WDTC1: variants seen among roughly 807,000 people sequenced by gnomAD.
WDTC1 encodes the protein WD and tetratricopeptide repeats 1, also known as WD and tetratricopeptide repeats protein 1.
WDTC1 carries 12 observed loss-of-function variants against 76.0 expected under a neutral mutation model. The ratio of observed to expected loss-of-function variants is 0.16; its 90% CI spans 0.10 to 0.26. The LOEUF is 0.26. WDTC1 is among the 10% of genes least tolerant of loss of function. WDTC1 has a pLI of 1.00. For synonymous variants in WDTC1, 326 were observed against 350.8 expected, an observed-to-expected ratio of 0.93 and a Z score of 0.79; for missense variants, 511 against 908.8, an observed-to-expected ratio of 0.56 and a Z score of 5.63.
rs1314413728 is a variant in WDTC1 at position 27,242,089 on chromosome 1, A to G, written c.-100+7138A>G. Among the ~76,000 whole-genome samples, 4 of 151,982 alleles carry G rather than the reference A, an allele frequency of 2.6e-5. No individual in the cohort carries two copies. In the East Asian group the frequency reaches 5.8e-4, roughly 22 times the overall value. ...GTATTTTTAGTAGAGACGGGGTTTT[A>G]CCATGTTGGCCAGGCTGGTCTCCAA... is the stretch of plus-strand genomic sequence containing the variant. On this transcript the variant is annotated intron_variant, in intron 1 of 15. Transcript: ENST00000319394.
rs1242043331 is a variant in WDTC1 at position 27,274,175 on chromosome 1, C to T, written c.133-8064C>T. On this transcript the variant is annotated intron_variant, in intron 3 of 15. Coordinates refer to ENST00000319394, the MANE Select transcript of WDTC1 (RefSeq NM_001276252.2). This position sits in a 1 kb window ranked among gnomAD's most constrained non-coding sequence, Gnocchi z 4.2. Reference sequence around the variant, plus strand: ...GTGTGGTGGTGTGTGCTTGTACTCCCAGCTACTAGGGAGTCTAACATGGGA... The same window carrying T: ...GTGTGGTGGTGTGTGCTTGTACTCCTAGCTACTAGGGAGTCTAACATGGGA... 2.0e-5 allele frequency among the ~76,000 whole-genome samples: 3 copies of T among 151,728 alleles called. No homozygotes were observed.
At chr1:27,248,636 T>TA (rs1240140940) in intron 1 of WDTC1, among the ~76,000 whole-genome samples, 3 of 152,204 alleles carry the variant, frequency 2.0e-5, no homozygotes, top group Non-Finnish European at 4.4e-5. Context: ...AGTTTCATCT[T>TA]ATGTGAATTT....
Position 27,234,710 on chromosome 1 carries a change from C to A in WDTC1, c.-341C>A, listed in dbSNP as rs2011450350. On this transcript the variant is annotated 5_prime_UTR_variant, in exon 1 of 16. Coordinates refer to ENST00000319394, the MANE Select transcript of WDTC1 (RefSeq NM_001276252.2). Reference sequence around the variant, plus strand: ...GGAGGGGAGTGCGTGTGTGAGAGCGCGCGAGGGAGTGTGAGTGTGTGTGAG... The same window carrying A: ...GGAGGGGAGTGCGTGTGTGAGAGCGAGCGAGGGAGTGTGAGTGTGTGTGAG... The A allele has an allele frequency of 2.5e-6, 1 of 398,032 alleles. No homozygotes were observed. The highest frequency in any genetic ancestry group is 4.4e-6 in the Non-Finnish European group (1 of 225,666). The allele number at this position is 398,032 out of a possible 1,614,324, so 24.7% of individuals were successfully genotyped here. A position where few individuals can be genotyped will look rare whatever the true frequency, so the allele number is the denominator to read the frequency against.
chr1:27,298,262 TC>T, intron 12 of WDTC1, 151 bp downstream of exon 12: 1 of 926,996 alleles, frequency 1.1e-6, no homozygotes, highest in Non-Finnish European at 1.5e-6. Context: ...TGGCCTCTCC[TC>T]CCCACCTCCA....
intron 1 of WDTC1, among the ~76,000 whole-genome samples, chr1:27,244,924 T>C (rs1425380007): frequency 1.3e-5 from 2 of 152,172 alleles, no homozygotes; most frequent in Non-Finnish European, 2.9e-5. Context: ...CAGTAGTGTC[T>C]ACTTAAAATC....
In WDTC1 at chr1:27,234,887, C is replaced by A. The variant is rs1028574103; in HGVS notation, c.-164C>A. 2 of 395,690 alleles carry A rather than the reference C, an allele frequency of 5.1e-6. No homozygotes were observed. The highest frequency in any genetic ancestry group is 2.1e-5 in the African/African-American group (1 of 48,418). The allele number at this position is 395,690 out of a possible 1,614,324, so 24.5% of individuals were successfully genotyped here. A position where few individuals can be genotyped will look rare whatever the true frequency, so the allele number is the denominator to read the frequency against. ...CCCCCCTTCCCGGGAGAGGGGCCGC[C>A]CCCCCCGGACGGACATGGGCTCCTG... is the stretch of plus-strand genomic sequence containing the variant. On this transcript the variant is annotated 5_prime_UTR_variant, in exon 1 of 16. Coordinates refer to ENST00000319394, the MANE Select transcript of WDTC1 (RefSeq NM_001276252.2).
chr1:27,276,642 G>A (rs192977949), intron 3 of WDTC1, among the ~76,000 whole-genome samples: 4 of 151,332 alleles, frequency 2.6e-5, no homozygotes, highest in East Asian at 3.9e-4. Flanking sequence ...GCAGTGAGCC[G>A]AGATTGCGCC....
chr1:27,249,929 A>C (rs998713516), intron 1 of WDTC1, among the ~76,000 whole-genome samples: 1 of 152,092 alleles, frequency 6.6e-6, no homozygotes, highest in Non-Finnish European at 1.5e-5. Context: ...CACTTTTAAC[A>C]ACGTCACGAT....
chr1:27,295,395 A>G (rs562631136), intron 9 of WDTC1, among the ~76,000 whole-genome samples: 1 of 152,302 alleles, frequency 6.6e-6, no homozygotes, highest in Admixed American at 6.5e-5. Context: ...GTGCTAGGGT[A>G]AACATTTGGC....
intron 4 of WDTC1, 82 bp downstream of exon 4, chr1:27,282,367 C>T: frequency 7.0e-7 from 1 of 1,420,088 alleles, no homozygotes; most frequent in Non-Finnish European, 9.8e-7. Flanking sequence ...CTGAGAGGAT[C>T]CAAGGAAAAG....
chr1:27,253,557 G>A (rs1430079808), intron 1 of WDTC1, among the ~76,000 whole-genome samples: 2 of 146,930 alleles, frequency 1.4e-5, no homozygotes, highest in Non-Finnish European at 3.0e-5. Flanking sequence ...GTGTTGTTCA[G>A]GCTGGTTTCG....
At position 27,280,202 on chromosome 1, in the gene WDTC1, ATTC is replaced by A. The variant is rs1226343276; in HGVS notation, c.133-2034_133-2032del. ...GACACATAGTAAGCTAAGTTTACCT[ATTC>A]TTATAATTATTACTACTCCATATAA... On this transcript the variant is annotated intron_variant, in intron 3 of 15. Coordinates refer to ENST00000319394, the MANE Select transcript of WDTC1 (RefSeq NM_001276252.2). Among the ~76,000 whole-genome samples, 18 of 152,354 alleles carry A rather than the reference ATTC, an allele frequency of 1.2e-4. No individual in the cohort carries two copies. In the East Asian group the frequency reaches 2.9e-3, roughly 24 times the overall value.
chr1:27,298,182 C>T (rs2013742619), intron 12 of WDTC1, 71 bp downstream of exon 12: 7 of 1,477,716 alleles, frequency 4.7e-6, no homozygotes, highest in Non-Finnish European at 4.5e-6. Flanking sequence ...AGGCAGGGGC[C>T]TGATGGAGCC....
intron 1 of WDTC1, among the ~76,000 whole-genome samples, chr1:27,254,413 A>G (rs2012203451): frequency 6.6e-6 from 1 of 152,098 alleles, no homozygotes; most frequent in Admixed American, 6.6e-5. Flanking sequence ...CCTGACCAAT[A>G]TGGCGAAACC....
rs540027483 is a variant in WDTC1, at chr1:27,287,172, A to C, written c.292-502A>C. On this transcript the variant is annotated intron_variant, in intron 5 of 15. Transcript: ENST00000319394. Reference sequence around the variant, plus strand: ...AGCGAGACGCTGTCTCAAAAAAAAAAAACAAAAAAAACCCACACACACCCA... The same window carrying C: ...AGCGAGACGCTGTCTCAAAAAAAAACAACAAAAAAAACCCACACACACCCA... Among the ~76,000 whole-genome samples the C allele has an allele frequency of 1.4e-4, 22 of 151,978 alleles. No individual in the cohort carries two copies. In the East Asian group the frequency reaches 3.7e-3, roughly 26 times the overall value.
chr1:27,300,027 C>A (rs758828718), intron 12 of WDTC1, among the ~76,000 whole-genome samples: 29 of 152,200 alleles, frequency 1.9e-4, no homozygotes, highest in Admixed American at 1.3e-3. Flanking sequence ...CCAAACAGTG[C>A]CTGCTCCTTC....
rs561366548 is a variant in WDTC1, at chr1:27,307,938, C to T, written c.*1555C>T. 343 of 152,890 alleles carry T rather than the reference C, an allele frequency of 2.2e-3. 4 individuals carry two copies. Among genetic ancestry groups the T allele is most frequent in the South Asian group, 3.5e-3 (17 of 4,834 alleles). The allele number at this position is 152,890 out of a possible 1,614,324, so 9.5% of individuals were successfully genotyped here. A position where few individuals can be genotyped will look rare whatever the true frequency, so the allele number is the denominator to read the frequency against. On this transcript the variant is annotated 3_prime_UTR_variant, in exon 16 of 16. Coordinates refer to ENST00000319394, the MANE Select transcript of WDTC1 (RefSeq NM_001276252.2). This position sits in a 1 kb window ranked among gnomAD's most constrained non-coding sequence, Gnocchi z 4.1. ...GGGACCTGCTCCCCTGTCTCTTCTCCGTGACCTTTCTCTAGCCAGGGAGAA... is the reference window on the plus strand; with the variant it reads ...GGGACCTGCTCCCCTGTCTCTTCTCTGTGACCTTTCTCTAGCCAGGGAGAA...
intron 1 of WDTC1, among the ~76,000 whole-genome samples, chr1:27,250,043 G>T (rs1003417819): frequency 6.6e-6 from 1 of 152,078 alleles, no homozygotes; most frequent in African/African-American, 2.4e-5. Context: ...TTCATCTCTG[G>T]TAGGGAAATT....
intron 3 of WDTC1, among the ~76,000 whole-genome samples, chr1:27,265,870 C>T (rs564287616): frequency 2.0e-5 from 3 of 152,170 alleles, no homozygotes; most frequent in Non-Finnish European, 4.4e-5. Context: ...TCGCTTGAAC[C>T]CCGGAGGTGG....
Sources: allele counts gnomAD v4.1 joint callset (sites outside exome capture counted in the v4.1 genomes callset), GRCh38; gene constraint gnomAD v4.1.1; non-coding constraint Gnocchi (gnomAD v3.1); transcripts MANE v1.5; gene names NCBI Gene and HGNC (gene_info 2026-07-23, HGNC 2026-07-21).